KCND2: variants seen among roughly 807,000 people sequenced by gnomAD.
KCND2 encodes A-type voltage-gated potassium channel KCND2.
KCND2 carries 16 observed loss-of-function variants against 54.4 expected under a neutral mutation model. That is an observed-to-expected ratio of 0.29 (90% CI 0.20 to 0.45). The LOEUF (loss-of-function observed/expected upper bound fraction) is 0.45, where lower values mean the gene tolerates loss of function less well. KCND2 is among the 20% of genes least tolerant of loss of function. The probability of loss-of-function intolerance (pLI) is 1.00; values close to 1 mark genes in which losing one functional copy is unlikely to be tolerated. For synonymous variants in KCND2, 317 were observed against 310.7 expected (o/e 1.02, Z -0.21); for missense variants, 486 against 824.2 (o/e 0.59, Z 5.02).
chr7:120,367,268 G>A (rs1009162634), intron 1 of KCND2, among the ~76,000 whole-genome samples: 4 of 152,122 alleles, frequency 2.6e-5, no homozygotes, highest in Non-Finnish European at 5.9e-5. Context: ...GTGGTTTTAA[G>A]AGAAGCAGTT....
chr7:120,388,386 A>G (rs1416500947), intron 1 of KCND2, among the ~76,000 whole-genome samples: 1 of 152,060 alleles, frequency 6.6e-6, no homozygotes, highest in Non-Finnish European at 1.5e-5. Flanking sequence ...CTATTCAGCA[A>G]CAGCATGGGG....
chr7:120,310,289 A>T (rs1799718349), intron 1 of KCND2, among the ~76,000 whole-genome samples: 1 of 152,240 alleles, frequency 6.6e-6, no homozygotes, highest in African/African-American at 2.4e-5. Context: ...TTATAGGATA[A>T]TATGAACAAA....
At chr7:120,743,857 T>TA (rs1337073710) in intron 4 of KCND2, among the ~76,000 whole-genome samples, 1 of 152,246 alleles carries the variant, frequency 6.6e-6, no homozygotes, top group Non-Finnish European at 1.5e-5. Flanking sequence ...GGAAATCATT[T>TA]AAATGTTTTA....
intron 1 of KCND2, among the ~76,000 whole-genome samples, chr7:120,415,064 A>C (rs1056353585): frequency 1.3e-5 from 2 of 152,188 alleles, no homozygotes; most frequent in Non-Finnish European, 2.9e-5. Flanking sequence ...AGCGTAGCTT[A>C]GCTAGTAACA....
At chr7:120,627,176 G>C (rs1260198243) in intron 1 of KCND2, among the ~76,000 whole-genome samples, 1 of 150,850 alleles carries the variant, frequency 6.6e-6, no homozygotes, top group Admixed American at 6.6e-5. Flanking sequence ...CATCTGTCAC[G>C]TGTCCAGCAT....
At chr7:120,576,040 G>T (rs1477365014) in intron 1 of KCND2, among the ~76,000 whole-genome samples, 1 of 142,450 alleles carries the variant, frequency 7.0e-6, no homozygotes, top group African/African-American at 2.6e-5. Context: ...GCCATTGCTG[G>T]TTTTGAGTGT....
At chr7:120,583,044 T>C (rs1792539909) in intron 1 of KCND2, among the ~76,000 whole-genome samples, 1 of 152,096 alleles carries the variant, frequency 6.6e-6, no homozygotes, top group Admixed American at 6.6e-5. Context: ...ACAGAAAGTA[T>C]ATTGTACACT....
At chr7:120,551,787 C>T (rs532014474) in intron 1 of KCND2, among the ~76,000 whole-genome samples, 9 of 152,198 alleles carry the variant, frequency 5.9e-5, no homozygotes, top group African/African-American at 1.2e-4. Flanking sequence ...GTCATTCATC[C>T]ATCTAATATT....
At chr7:120,616,159 C>G (rs1793021165) in intron 1 of KCND2, among the ~76,000 whole-genome samples, 1 of 152,148 alleles carries the variant, frequency 6.6e-6, no homozygotes, top group Non-Finnish European at 1.5e-5. Flanking sequence ...ATTTCACAGG[C>G]TTAAAATCAA....
chr7:120,496,249 A>G (rs1802845402), intron 1 of KCND2, among the ~76,000 whole-genome samples: 1 of 152,022 alleles, frequency 6.6e-6, no homozygotes, highest in Non-Finnish European at 1.5e-5. Context: ...CCTCAGGCTT[A>G]CTAGGTAGAT....
chr7:120,388,965 A>G (rs1302641732), intron 1 of KCND2, among the ~76,000 whole-genome samples: 2 of 151,490 alleles, frequency 1.3e-5, no homozygotes, highest in South Asian at 4.2e-4. Context: ...TAGCATTTGC[A>G]TGTATAAATA....
chr7:120,389,475 A>T (rs1232749213), intron 1 of KCND2, among the ~76,000 whole-genome samples: 1 of 151,746 alleles, frequency 6.6e-6, no homozygotes, highest in Non-Finnish European at 1.5e-5. Flanking sequence ...AGGTTTCTTT[A>T]TCTTATACAT....
At chr7:120,714,069 T>C (rs1181721656) in intron 1 of KCND2, among the ~76,000 whole-genome samples, 1 of 152,140 alleles carries the variant, frequency 6.6e-6, no homozygotes, top group African/African-American at 2.4e-5. Context: ...AGCACATCAA[T>C]TATTATTTAA....
At chr7:120,372,085 T>C (rs1470092267) in intron 1 of KCND2, among the ~76,000 whole-genome samples, 3 of 152,002 alleles carry the variant, frequency 2.0e-5, no homozygotes, top group Non-Finnish European at 4.4e-5. Flanking sequence ...TTTATTCTTT[T>C]TGGTTATCTA....
At chr7:120,742,010 T>C (rs1287270916) in intron 3 of KCND2, among the ~76,000 whole-genome samples, 1 of 152,190 alleles carries the variant, frequency 6.6e-6, no homozygotes, top group African/African-American at 2.4e-5. Context: ...GCTAACATGA[T>C]GTCTTGTTTT....
intron 1 of KCND2, among the ~76,000 whole-genome samples, chr7:120,526,379 A>G (rs980238747): frequency 2.0e-5 from 3 of 152,150 alleles, no homozygotes; most frequent in Non-Finnish European, 2.9e-5. Flanking sequence ...TTGACTCCTA[A>G]TATACAGAAG....
chr7:120,421,564 C>T (rs981873907), intron 1 of KCND2, among the ~76,000 whole-genome samples: 2 of 152,226 alleles, frequency 1.3e-5, no homozygotes, highest in South Asian at 2.1e-4. Flanking sequence ...GGATCACACT[C>T]TCTGTGATGA....
rs139381290 is a variant in KCND2 at position 120,417,456 on chromosome 7, T to C, written c.1115+141709T>C. On this transcript the variant is annotated intron_variant, in intron 1 of 5. Transcript: ENST00000331113. ...TTATTGAGACCTTACGGCTGCTCAC[T>C]GCCTAATAAAGTTCTCCCTCAGTCA... Among the ~76,000 whole-genome samples, 704 of 152,328 alleles carry C rather than the reference T, an allele frequency of 4.6e-3. 7 individuals are homozygous for C. Among genetic ancestry groups the C allele is most frequent in the African/African-American group, 0.016 (662 of 41,574 alleles).
At chr7:120,535,283 G>T (rs1008612477) in intron 1 of KCND2, among the ~76,000 whole-genome samples, 4 of 151,896 alleles carry the variant, frequency 2.6e-5, no homozygotes, top group Non-Finnish European at 4.4e-5. Flanking sequence ...TGCTTATTTG[G>T]ACACTTTTAG....
Sources: gnomAD v4.1 joint callset for allele counts (sites outside exome capture counted in the v4.1 genomes callset) on GRCh38, gnomAD v4.1.1 for gene constraint, MANE v1.5 for transcripts, NCBI Gene and HGNC (gene_info 2026-07-23, HGNC 2026-07-21) for gene names.